Variants in INSC observed in about 807,000 individuals in gnomAD.
INSC encodes the protein INSC spindle orientation adaptor protein.
In INSC, 67 loss-of-function variants were observed where a neutral mutation model predicts 58.6. The observed-to-expected ratio is 1.14, with a 90% confidence interval of 0.94 to 1.40. The LOEUF (loss-of-function observed/expected upper bound fraction) is 1.40. Ranked by LOEUF, INSC falls within the 40% of genes most tolerant of loss-of-function variation. The pLI, the probability that INSC is intolerant of heterozygous loss-of-function variation, is 0.00. For synonymous variants in INSC, 262 were observed against 276.1 expected, an observed-to-expected ratio of 0.95 and a Z score of 0.51; for missense variants, 714 against 692.0, an observed-to-expected ratio of 1.03 and a Z score of -0.36.
chr11:15,123,959 T>C (rs60893896), intron 1 of INSC, among the ~76,000 whole-genome samples: 7,731 of 152,206 alleles, frequency 0.051, 411 homozygotes, highest in African/African-American at 0.14. Flanking sequence ...TCTTACTAAG[T>C]CCAGTGAGCC....
rs746823149 is a variant in INSC, at chr11:15,200,896, C to T, written c.766C>T (p.Arg256Cys). 43 of 1,613,510 alleles carry T rather than the reference C, an allele frequency of 2.7e-5. No homozygotes were observed. In the Admixed American group the frequency reaches 2.8e-4, roughly 11 times the overall value. The change falls in exon 7 of 13, where the codon CGC (arginine) becomes TGC (cysteine). Residue 256 changes from arginine (R) to cysteine (C), a missense_variant. By Grantham distance (180) the Arg-to-Cys change is radical. Transcript: ENST00000379556. The part of the protein sequence containing the change: ...SFRCLYPQAL[R>C]TLASICCVEE... ...CCGGTGCTTGTACCCCCAGGCGCTC[C>T]GCACGCTGGCCTCCATCTGCTGCGT...
intron 6 of INSC, among the ~76,000 whole-genome samples, chr11:15,199,415 G>C (rs1233694666): frequency 6.6e-6 from 1 of 152,170 alleles, no homozygotes; most frequent in Non-Finnish European, 1.5e-5. Context: ...GAATGAAAAG[G>C]GCGCATGAGC....
At position 15,149,115 on chromosome 11, in the gene INSC, G is replaced by A. The variant is rs200202735; in HGVS notation, c.-45-15G>A. Reference sequence around the variant, plus strand: ...TTTTAGGATCTCGTTGTGCCATCCTGCCCTCTATTTTCAGGGTCACGACCG... The same window carrying A: ...TTTTAGGATCTCGTTGTGCCATCCTACCCTCTATTTTCAGGGTCACGACCG... On this transcript the variant is annotated splice_polypyrimidine_tract_variant and intron_variant, in intron 1 of 12. Coordinates refer to ENST00000379556, the MANE Select transcript of INSC (RefSeq NM_001042536.3). The A allele has an allele frequency of 4.0e-4, 629 of 1,591,990 alleles. 2 individuals are homozygous for A. The African/African-American group carries it at 7.6e-3, about 19-fold the overall frequency.
At position 15,200,889 on chromosome 11, in the gene INSC, G is replaced by C. The variant is rs752669097; in HGVS notation, c.759G>C (p.Gln253His). 4.3e-6 allele frequency: 7 copies of C among 1,613,778 alleles called. No individual in the cohort carries two copies. The East Asian group carries it at 1.6e-4, about 36-fold the overall frequency. ...ACAGTTTCCGGTGCTTGTACCCCCA[G>C]GCGCTCCGCACGCTGGCCTCCATCT... ...RQDSFRCLYP[Q>H]ALRTLASICC... The change falls in exon 7 of 13, where the codon CAG becomes CAC. Residue 253 changes from glutamine to histidine, a missense_variant. Physicochemically the swap from Gln to His is conservative, Grantham distance 24. Transcript: ENST00000379556.
chr11:15,212,904 A>G (rs1851081752), intron 7 of INSC, among the ~76,000 whole-genome samples: 1 of 152,198 alleles, frequency 6.6e-6, no homozygotes. Flanking sequence ...CTTGTTACTG[A>G]TTTCAGGGAA....
chr11:15,201,302 C>G (rs1375454141), intron 7 of INSC, among the ~76,000 whole-genome samples: 1 of 152,084 alleles, frequency 6.6e-6, no homozygotes, highest in African/African-American at 2.4e-5. Flanking sequence ...CCACAGCAGG[C>G]CTCCTAAAGA....
chr11:15,130,019 G>T (rs777769776), intron 1 of INSC, among the ~76,000 whole-genome samples: 8 of 152,204 alleles, frequency 5.3e-5, no homozygotes, highest in Non-Finnish European at 1.2e-4. Flanking sequence ...AGATGTGGCT[G>T]CCTGTGGAAA....
chr11:15,223,444 T>C (rs1028800611), intron 8 of INSC, among the ~76,000 whole-genome samples: 6 of 152,180 alleles, frequency 3.9e-5, no homozygotes, highest in African/African-American at 1.4e-4. Flanking sequence ...GAAATAGCCC[T>C]CCAACTTCTT....
intron 2 of INSC, among the ~76,000 whole-genome samples, chr11:15,160,031 G>GTT (rs1848960494): frequency 6.6e-6 from 1 of 152,236 alleles, no homozygotes; most frequent in Non-Finnish European, 1.5e-5. Flanking sequence ...TTGCCTTGCA[G>GTT]ATACTGTAGC....
downstream of INSC, among the ~76,000 whole-genome samples, chr11:15,248,609 G>A (rs914979346): frequency 1.3e-5 from 2 of 152,160 alleles, no homozygotes; most frequent in Non-Finnish European, 2.9e-5. Context: ...CTAAATCGCA[G>A]CCTTTTGCAT....
chr11:15,149,751 T>C (rs948763150), intron 2 of INSC, among the ~76,000 whole-genome samples: 1 of 152,116 alleles, frequency 6.6e-6, no homozygotes, highest in Non-Finnish European at 1.5e-5. Context: ...AGGAGACACT[T>C]GGGGCCACCA....
At chr11:15,131,341 AT>A (rs1447919437) in intron 1 of INSC, among the ~76,000 whole-genome samples, 1 of 151,972 alleles carries the variant, frequency 6.6e-6, no homozygotes, top group Non-Finnish European at 1.5e-5. Flanking sequence ...TGGGGTAGAG[AT>A]TGCAACCCCA....
intron 2 of INSC, among the ~76,000 whole-genome samples, chr11:15,155,950 G>T (rs1451455324): frequency 6.6e-6 from 1 of 152,116 alleles, no homozygotes; most frequent in African/African-American, 2.4e-5. Context: ...GCCTCTGAGG[G>T]GTCAGGCACA....
chr11:15,175,450 C>T (rs1003496821), intron 2 of INSC, among the ~76,000 whole-genome samples: 4 of 152,116 alleles, frequency 2.6e-5, no homozygotes, highest in Non-Finnish European at 4.4e-5. Context: ...AGCAATATTC[C>T]TGCCTCACCC....
At chr11:15,129,245 T>C (rs1461662549) in intron 1 of INSC, among the ~76,000 whole-genome samples, 1 of 152,216 alleles carries the variant, frequency 6.6e-6, no homozygotes, top group African/African-American at 2.4e-5. Flanking sequence ...TTCCATATTT[T>C]CTTGGGTCTA....
At chr11:15,138,990 G>A (rs1358788444) in intron 1 of INSC, among the ~76,000 whole-genome samples, 6 of 152,152 alleles carry the variant, frequency 3.9e-5, no homozygotes, top group Non-Finnish European at 8.8e-5. Flanking sequence ...AGAGAAGATT[G>A]GATTATCATG....
chr11:15,268,954 T>C, the INSC span, among the ~76,000 whole-genome samples: 2 of 152,080 alleles, frequency 1.3e-5, no homozygotes, highest in Admixed American at 1.3e-4. Flanking sequence ...TAACTTCAAA[T>C]TGGTATAGAA....
At chr11:15,168,429 C>T (rs1821270173) in intron 2 of INSC, among the ~76,000 whole-genome samples, 2 of 152,122 alleles carry the variant, frequency 1.3e-5, no homozygotes, top group Admixed American at 1.3e-4. Flanking sequence ...CATCCATGTC[C>T]CTGCAAAGGA....
In INSC at chr11:15,175,881, G is replaced by T; in HGVS notation, c.197G>T (p.Gly66Val). 6.2e-7 allele frequency: 1 copy of T among 1,614,098 alleles called. No individual in the cohort carries two copies. The highest frequency in any genetic ancestry group is 8.5e-7 in the Non-Finnish European group (1 of 1,179,938). The part of the protein sequence containing the change: ...EDAQGDLILA[G>V]GPGPGDPLQL... ...GCACAGGGTGACCTCATCCTGGCAG[G>T]TGGCCCTGGCCCTGGAGACCCCCTG... Residue 66 changes from glycine (G) to valine (V), a missense_variant, in exon 3 of 13, where the codon GGT (glycine) becomes GTT (valine). By Grantham distance (109) the Gly-to-Val change is moderately radical. Transcript: ENST00000379556.
Sources: gnomAD v4.1 joint callset for allele counts (sites outside exome capture counted in the v4.1 genomes callset) on GRCh38, gnomAD v4.1.1 for gene constraint, MANE v1.5 for transcripts, NCBI Gene and HGNC (gene_info 2026-07-23, HGNC 2026-07-21) for gene names.